CFAP52: variants seen among roughly 807,000 people sequenced by gnomAD.
CFAP52 encodes cilia- and flagella-associated protein 52.
A neutral mutation model predicts 70.5 loss-of-function variants in CFAP52; 57 were observed. That is an observed-to-expected ratio of 0.81 (90% CI 0.65 to 1.01). The LOEUF (loss-of-function observed/expected upper bound fraction) is 1.01. Among genes scored for constraint, CFAP52 ranks in the 50% least tolerant of loss-of-function variants. The pLI is 0.00. For missense variants in CFAP52, 785 were observed against 788.5 expected (o/e 1.00, Z 0.05); for synonymous variants, 267 against 292.5 (o/e 0.91, Z 0.89).
intron 8 of CFAP52, among the ~76,000 whole-genome samples, chr17:9,623,670 T>TTTTG (rs112696029): frequency 0.026 from 3,942 of 151,030 alleles, 140 homozygotes; most frequent in African/African-American, 0.081. Flanking sequence ...GCTTAGCTTT[T>TTTTG]TTTGTTTGTT....
intron 2 of CFAP52, among the ~76,000 whole-genome samples, chr17:9,586,263 C>G (rs1314955387): frequency 6.6e-6 from 1 of 151,964 alleles, no homozygotes; most frequent in Non-Finnish European, 1.5e-5. Flanking sequence ...GATCCGATTT[C>G]TAGAAAAGTG....
intron 12 of CFAP52, among the ~76,000 whole-genome samples, chr17:9,640,473 CT>C (rs1458027739): frequency 6.6e-6 from 1 of 151,058 alleles, no homozygotes; most frequent in African/African-American, 2.4e-5. Context: ...TCAGCTTCCA[CT>C]TGTAAGTGAG....
intron 4 of CFAP52, 95 bp from the exon 5 acceptor site, chr17:9,598,139 A>C (rs763470822): frequency 1.0e-6 from 1 of 965,350 alleles, no homozygotes; most frequent in Non-Finnish European, 1.6e-6. Flanking sequence ...AAGCCTCAAA[A>C]ATGTTTAGAT....
At chr17:9,604,136 C>T (rs1319853130) in intron 6 of CFAP52, among the ~76,000 whole-genome samples, 1 of 152,160 alleles carries the variant, frequency 6.6e-6, no homozygotes, top group East Asian at 1.9e-4. Flanking sequence ...GACCTTATAC[C>T]TTTCACAAAA....
chr17:9,581,291 G>T (rs1936362837), intron 1 of CFAP52, among the ~76,000 whole-genome samples: 1 of 152,118 alleles, frequency 6.6e-6, no homozygotes, highest in African/African-American at 2.4e-5. Flanking sequence ...CCACTGAATT[G>T]TTCACGTTAA....
intron 8 of CFAP52, among the ~76,000 whole-genome samples, chr17:9,613,371 T>C (rs192274901): frequency 2.6e-5 from 4 of 152,176 alleles, no homozygotes; most frequent in African/African-American, 9.6e-5. Context: ...GTGAGATTCA[T>C]TTCATGAAGT....
chr17:9,597,819 G>GAGAGAGAAAGAGAGAA (rs1252177277), intron 4 of CFAP52, among the ~76,000 whole-genome samples: 3 of 151,186 alleles, frequency 2.0e-5, no homozygotes, highest in African/African-American at 7.3e-5. Context: ...GAGAGAGAGA[G>GAGAGAGAAAGAGAGAA]AGAGAGAGAG....
At position 9,629,475 on chromosome 17, in the gene CFAP52, C is replaced by T. The variant is rs557047446; in HGVS notation, c.1174+655C>T. Among the ~76,000 whole-genome samples the T allele has an allele frequency of 1.1e-3, 120 of 108,606 alleles. 2 individuals carry two copies. The East Asian group carries it at 0.031, about 28-fold the overall frequency. 71.2% of individuals were successfully genotyped at this position (108,606 alleles called of 152,430 possible). A position where few individuals can be genotyped will look rare whatever the true frequency, so the allele number is the denominator to read the frequency against. On this transcript the variant is annotated intron_variant, in intron 9 of 13. Coordinates refer to ENST00000352665, the MANE Select transcript of CFAP52 (RefSeq NM_145054.5). ...TCTCGCCCCTCTTTTCTTTCTTTCCCTTTCTTTCTTTCTTTCTTTCTTTTC... is the reference window on the plus strand; with the variant it reads ...TCTCGCCCCTCTTTTCTTTCTTTCCTTTTCTTTCTTTCTTTCTTTCTTTTC...
At chr17:9,578,979 G>T (rs117334935) in intron 1 of CFAP52, among the ~76,000 whole-genome samples, 3,653 of 152,188 alleles carry the variant, frequency 0.024, 55 homozygotes, top group South Asian at 0.035. Context: ...AAAGAGAGGG[G>T]GTATAATGAG....
intron 12 of CFAP52, 22 bp downstream of exon 12, chr17:9,638,733 T>C: frequency 3.1e-6 from 5 of 1,610,306 alleles, no homozygotes; most frequent in Non-Finnish European, 4.2e-6. Flanking sequence ...CAGTGAGAGA[T>C]GAGATCTTTC....
chr17:9,593,838 G>A (rs559734120), intron 3 of CFAP52, among the ~76,000 whole-genome samples: 85 of 151,872 alleles, frequency 5.6e-4, no homozygotes, highest in African/African-American at 1.8e-3. Flanking sequence ...GGTGGTGTGC[G>A]TCTGTAGTCC....
chr17:9,616,064 T>C (rs1909899431), intron 8 of CFAP52, among the ~76,000 whole-genome samples: 1 of 150,682 alleles, frequency 6.6e-6, no homozygotes. Flanking sequence ...AGACGGGTGA[T>C]TTCTGCATTT....
chr17:9,624,620 A>G (rs982419032), intron 8 of CFAP52, among the ~76,000 whole-genome samples: 20 of 152,154 alleles, frequency 1.3e-4, no homozygotes, highest in African/African-American at 4.6e-4. Flanking sequence ...AATGTATTTT[A>G]AAATAGCTGC....
intron 1 of CFAP52, among the ~76,000 whole-genome samples, chr17:9,580,524 T>TA (rs1171552404): frequency 2.0e-5 from 3 of 151,760 alleles, no homozygotes; most frequent in East Asian, 3.9e-4. Context: ...CCTATCTCTA[T>TA]AAAAAATACC....
intron 7 of CFAP52, among the ~76,000 whole-genome samples, chr17:9,610,505 C>G (rs1909672229): frequency 6.6e-6 from 1 of 151,602 alleles, no homozygotes; most frequent in Middle Eastern, 3.2e-3. Context: ...ATGGACAGCT[C>G]CAGTGCCAAG....
At position 9,627,217 on chromosome 17, in the gene CFAP52, A is replaced by T. The variant is rs571239857; in HGVS notation, c.1026-1455A>T. On this transcript the variant is annotated intron_variant, in intron 8 of 13. Coordinates refer to ENST00000352665, the MANE Select transcript of CFAP52 (RefSeq NM_145054.5). ...TTTCCTTTTTGAAAATTTTAATAAGATTGTCTGCTTGGCTGGGCACAGTGG... is the reference window on the plus strand; with the variant it reads ...TTTCCTTTTTGAAAATTTTAATAAGTTTGTCTGCTTGGCTGGGCACAGTGG... Among the ~76,000 whole-genome samples, 255 of 151,744 alleles carry T rather than the reference A, an allele frequency of 1.7e-3. 1 individual carries two copies. Among genetic ancestry groups the T allele is most frequent in the South Asian group, 7.7e-3 (37 of 4,818 alleles).
chr17:9,613,890 G>A (rs374417617), intron 8 of CFAP52, among the ~76,000 whole-genome samples: 5 of 88,854 alleles, frequency 5.6e-5, no homozygotes, highest in East Asian at 2.8e-4. Context: ...GTCTTTCCAC[G>A]TTATTTCTAA....
At chr17:9,600,619 C>T (rs755344420) in intron 6 of CFAP52, among the ~76,000 whole-genome samples, 3 of 152,124 alleles carry the variant, frequency 2.0e-5, no homozygotes, top group Non-Finnish European at 4.4e-5. Context: ...GGCTGGCGTG[C>T]AGTGGCGAGA....
intron 9 of CFAP52, among the ~76,000 whole-genome samples, chr17:9,631,030 GA>G (rs1910482231): frequency 1.7e-5 from 1 of 59,608 alleles, no homozygotes; most frequent in African/African-American, 8.6e-5. Context: ...AAGAAAGAAA[GA>G]GAGAGAGAGA....
Sources: gnomAD v4.1 joint callset for allele counts (sites outside exome capture counted in the v4.1 genomes callset) on GRCh38, gnomAD v4.1.1 for gene constraint, MANE v1.5 for transcripts, NCBI Gene and HGNC (gene_info 2026-07-23, HGNC 2026-07-21) for gene names.